Variants in SLC22A14 observed in about 807,000 individuals in gnomAD.
SLC22A14 encodes the protein solute carrier family 22 member 14.
Under a neutral mutation model 53.9 loss-of-function variants are expected in SLC22A14, and 50 were observed. The observed-to-expected ratio is 0.93, with a 90% confidence interval of 0.74 to 1.17. SLC22A14 has a LOEUF of 1.17. Among genes scored for constraint, SLC22A14 ranks in the 50% most tolerant of loss-of-function variants. SLC22A14 has a pLI of 0.00. For missense variants in SLC22A14, 671 were observed against 734.7 expected, an observed-to-expected ratio of 0.91 and a Z score of 1.00; for synonymous variants, 312 against 303.0, an observed-to-expected ratio of 1.03 and a Z score of -0.31.
chr3:38,304,542 C>A (rs984185893), intron 1 of SLC22A14, among the ~76,000 whole-genome samples: 7 of 152,074 alleles, frequency 4.6e-5, no homozygotes, highest in Non-Finnish European at 7.3e-5. Flanking sequence ...CACATGCCAC[C>A]AAGCCTGGCT....
intron 1 of SLC22A14, among the ~76,000 whole-genome samples, chr3:38,291,648 A>G (rs1488572934): frequency 6.6e-6 from 1 of 152,200 alleles, no homozygotes; most frequent in Non-Finnish European, 1.5e-5. Context: ...ACGGGATGCA[A>G]GCTGATCCCT....
At chr3:38,301,173 C>T (rs1704152053) in intron 1 of SLC22A14, among the ~76,000 whole-genome samples, 1 of 152,176 alleles carries the variant, frequency 6.6e-6, no homozygotes, top group African/African-American at 2.4e-5. Flanking sequence ...ATTCCAGAAG[C>T]CAGCCAAAGA....
intron 1 of SLC22A14, among the ~76,000 whole-genome samples, chr3:38,300,196 T>C (rs1391128377): frequency 1.3e-5 from 2 of 152,150 alleles, no homozygotes; most frequent in Non-Finnish European, 2.9e-5. Context: ...TCCCAGCATT[T>C]TGGGAGGCCA....
At chr3:38,301,439 A>G (rs899988850) in intron 1 of SLC22A14, among the ~76,000 whole-genome samples, 12 of 152,336 alleles carry the variant, frequency 7.9e-5, no homozygotes, top group Non-Finnish European at 1.8e-4. Context: ...GTGAGTTTGA[A>G]GATTTTTTTC....
At chr3:38,304,284 T>C (rs1302566693) in intron 1 of SLC22A14, among the ~76,000 whole-genome samples, 2 of 152,228 alleles carry the variant, frequency 1.3e-5, no homozygotes, top group Non-Finnish European at 2.9e-5. Context: ...TTTACCCTAG[T>C]TCTTGACAGA....
At chr3:38,290,775 G>C (rs764595128) in intron 1 of SLC22A14, among the ~76,000 whole-genome samples, 5 of 152,226 alleles carry the variant, frequency 3.3e-5, no homozygotes, top group Admixed American at 6.5e-5. Context: ...GTTTCCCAGA[G>C]GGGATTAACC....
At chr3:38,299,030 C>A (rs1704104323) in intron 1 of SLC22A14, among the ~76,000 whole-genome samples, 1 of 152,228 alleles carries the variant, frequency 6.6e-6, no homozygotes, top group South Asian at 2.1e-4. Flanking sequence ...TTCTTTTCAT[C>A]TTTAGCTTTA....
At chr3:38,312,365 G>A (rs194710) in intron 5 of SLC22A14, among the ~76,000 whole-genome samples, 2 of 152,190 alleles carry the variant, frequency 1.3e-5, no homozygotes, top group African/African-American at 2.4e-5. Context: ...TCACACATAC[G>A]TGCTTTTTAT....
chr3:38,305,848 A>C, intron 1 of SLC22A14, 179 bp from the exon 2 acceptor site: 1 of 643,996 alleles, frequency 1.6e-6, no homozygotes, highest in Non-Finnish European at 2.7e-6. Flanking sequence ...TGGTTGGGCC[A>C]GGGGGGAATA....
intron 1 of SLC22A14, among the ~76,000 whole-genome samples, chr3:38,289,046 G>A (rs1413643488): frequency 1.3e-5 from 2 of 151,746 alleles, no homozygotes; most frequent in Non-Finnish European, 2.9e-5. Flanking sequence ...CCTGCATGGT[G>A]GCACACACCT....
Position 38,313,477 on chromosome 3 carries a change from C to T in SLC22A14, c.1155C>T (p.Ser385=), listed in dbSNP as rs781286436. The change falls in exon 7 of 11, where the codon AGC becomes AGT. Residue 385 remains serine, a synonymous_variant. Coordinates refer to ENST00000448498, the MANE Select transcript of SLC22A14 (RefSeq NM_001320033.2). ...RQLCKVTLVM[S]CVWFTVSYTY... is the part of the protein sequence containing the mutation. ...TCTGCAAGGTGACCTTGGTGATGAG[C>T]TGTGTGTGGTGAGTATCCAGGGCTC... 10 of 1,608,966 alleles carry T rather than the reference C, an allele frequency of 6.2e-6. No homozygotes were observed. In the East Asian group the frequency reaches 2.2e-4, roughly 36 times the overall value.
At chr3:38,301,765 G>T in intron 1 of SLC22A14, among the ~76,000 whole-genome samples, 1 of 150,230 alleles carries the variant, frequency 6.7e-6, no homozygotes. Flanking sequence ...TTTTGTGGAG[G>T]GGATAGTTTT....
chr3:38,288,510 G>A (rs970523407), intron 1 of SLC22A14, among the ~76,000 whole-genome samples: 2 of 152,164 alleles, frequency 1.3e-5, no homozygotes, highest in Non-Finnish European at 2.9e-5. Context: ...CCATCATACT[G>A]TTTTCCATGG....
Position 38,313,957 on chromosome 3 carries a change from C to A in SLC22A14, c.1378+16C>A. 1.2e-6 allele frequency: 2 copies of A among 1,605,426 alleles called. No homozygotes were observed. The highest frequency in any genetic ancestry group is 1.7e-6 in the Non-Finnish European group (2 of 1,173,240). On this transcript the variant is annotated intron_variant, in intron 8 of 10. Transcript: ENST00000448498. ...CTCCCTGAAGGTACAGCTCATCCTTCCCCTGTGGCCTGCCCACAGCCTTCC... is the reference window on the plus strand; with the variant it reads ...CTCCCTGAAGGTACAGCTCATCCTTACCCTGTGGCCTGCCCACAGCCTTCC...
At chr3:38,293,148 AC>A (rs1403068588) in intron 1 of SLC22A14, among the ~76,000 whole-genome samples, 16 of 152,098 alleles carry the variant, frequency 1.1e-4, no homozygotes, top group African/African-American at 3.9e-4. Context: ...GACTCAGAGG[AC>A]CTTCATCCCC....
At chr3:38,294,468 C>A (rs1181627569) in intron 1 of SLC22A14, among the ~76,000 whole-genome samples, 3 of 152,022 alleles carry the variant, frequency 2.0e-5, no homozygotes, top group South Asian at 4.2e-4. Context: ...TAAGTCATTT[C>A]TTTCTTAGCG....
At position 38,318,410 on chromosome 3, in the gene SLC22A14, A is replaced by G. The variant is rs1336093500; in HGVS notation, c.*161A>G. 2 of 680,698 alleles carry G rather than the reference A, an allele frequency of 2.9e-6. No individual in the cohort carries two copies. The highest frequency in any genetic ancestry group is 5.3e-6 in the Non-Finnish European group (2 of 377,384). The allele number at this position is 680,698 out of a possible 1,614,324, so 42.2% of individuals were successfully genotyped here. A position where few individuals can be genotyped will look rare whatever the true frequency, so the allele number is the denominator to read the frequency against. On this transcript the variant is annotated 3_prime_UTR_variant, in exon 11 of 11. Transcript: ENST00000448498. ...CATCTTGGGTTGGAATTGAGTGGCC[A>G]AGTATGGGGTCATGGATTCCAGGCC...
At chr3:38,301,753 T>A in intron 1 of SLC22A14, among the ~76,000 whole-genome samples, 1 of 151,922 alleles carries the variant, frequency 6.6e-6, no homozygotes, top group Non-Finnish European at 1.5e-5. Context: ...TAGGATTTTT[T>A]TTTTTGTGGA....
At position 38,318,402 on chromosome 3, in the gene SLC22A14, G is replaced by A; in HGVS notation, c.*153G>A. 1 of 715,404 alleles carries A rather than the reference G, an allele frequency of 1.4e-6. No homozygotes were observed. Among genetic ancestry groups the A allele is most frequent in the East Asian group, 2.5e-5 (1 of 40,028 alleles). 44.3% of individuals were successfully genotyped at this position (715,404 alleles called of 1,614,324 possible). A position where few individuals can be genotyped will look rare whatever the true frequency, so the allele number is the denominator to read the frequency against. On this transcript the variant is annotated 3_prime_UTR_variant, in exon 11 of 11. Coordinates refer to ENST00000448498, the MANE Select transcript of SLC22A14 (RefSeq NM_001320033.2). ...CCCCAGACCATCTTGGGTTGGAATT[G>A]AGTGGCCAAGTATGGGGTCATGGAT...
Sources: gnomAD v4.1 joint callset for allele counts (sites outside exome capture counted in the v4.1 genomes callset) on GRCh38, gnomAD v4.1.1 for gene constraint, MANE v1.5 for transcripts, NCBI Gene and HGNC (gene_info 2026-07-23, HGNC 2026-07-21) for gene names.